PGBD1: variants seen among roughly 807,000 people sequenced by gnomAD.
PGBD1 encodes piggyBac transposable element derived 1.
PGBD1 carries 25 observed loss-of-function variants against 34.7 expected under a neutral mutation model. The observed-to-expected ratio is 0.72, with a 90% CI of 0.52 to 1.00. PGBD1 has a LOEUF of 1.00. Among genes scored for constraint, PGBD1 ranks in the 50% least tolerant of loss-of-function variants. The probability of loss-of-function intolerance (pLI) is 0.00; values close to 1 mark genes in which losing one functional copy is unlikely to be tolerated. For synonymous variants in PGBD1, 292 were observed against 335.7 expected, an observed-to-expected ratio of 0.87 and a Z score of 1.42; for missense variants, 830 against 959.4, an observed-to-expected ratio of 0.87 and a Z score of 1.78.
In PGBD1 at chr6:28,298,501, G is replaced by A. The variant is rs529882698; in HGVS notation, c.869+510G>A. On this transcript the variant is annotated intron_variant, in intron 6 of 6. Coordinates refer to ENST00000682144, the MANE Select transcript of PGBD1 (RefSeq NM_032507.4). ...GAGCATTTTGGATTTTGGATCTTTG[G>A]TTAGGGATGCCCAACTGGTATAATG... is the stretch of plus-strand genomic sequence containing the variant. Among the ~76,000 whole-genome samples the A allele has an allele frequency of 2.6e-5, 4 of 152,114 alleles. No individual in the cohort carries two copies. In the South Asian group the frequency reaches 8.3e-4, roughly 32 times the overall value.
At chr6:28,281,952 T>C (rs943736046) in intron 1 of PGBD1, 34 bp downstream of exon 1, 4 of 152,224 alleles carry the variant, frequency 2.6e-5, no homozygotes, top group African/African-American at 9.7e-5. Flanking sequence ...TATGCAGAGA[T>C]AAACTCCTGT....
chr6:28,285,693 C>G lies in PGBD1; in HGVS notation c.539C>G (p.Pro180Arg), dbSNP rs1353935130. 3 of 1,613,348 alleles carry G rather than the reference C, an allele frequency of 1.9e-6. No homozygotes were observed. Among genetic ancestry groups the G allele is most frequent in the Non-Finnish European group, 2.5e-6 (3 of 1,179,874 alleles). Reference sequence around the variant, plus strand: ...CCTCCACAGCGTCCTCAAGGGAACCCCCAAGAAGTGAGTGGTGAGTGCTCG... The same window carrying G: ...CCTCCACAGCGTCCTCAAGGGAACCGCCAAGAAGTGAGTGGTGAGTGCTCG... ...CEPPQRPQGN[P>R]QEVSGPVPHG... Residue 180 changes from proline (P) to arginine (R), a missense_variant, in exon 3 of 7, where the codon CCC (proline) becomes CGC (arginine). Around this residue, in one of 3 missense-constraint regions of PGBD1, gnomAD observed 457 missense variants for 515.4 expected, o/e 0.89. Coordinates refer to ENST00000682144, the MANE Select transcript of PGBD1 (RefSeq NM_032507.4).
intron 4 of PGBD1, among the ~76,000 whole-genome samples, chr6:28,291,123 C>CCAAAAAAAAAAAAAAAAAAAA (rs1762436521): frequency 1.0e-5 from 1 of 97,258 alleles, no homozygotes; most frequent in Non-Finnish European, 2.0e-5. Context: ...GAAATTGAGA[C>CCAAAAAAAAAAAAAAAAAAAA]CAAAAAAAAA....
rs1039472429 is a variant in PGBD1 at position 28,300,271 on chromosome 6, T to C, written c.870-453T>C. Among the ~76,000 whole-genome samples the C allele has an allele frequency of 6.6e-6, 1 of 152,142 alleles. No individual in the cohort carries two copies. Among genetic ancestry groups the C allele is most frequent in the African/African-American group, 2.4e-5 (1 of 41,444 alleles). On this transcript the variant is annotated intron_variant, in intron 6 of 6. Coordinates refer to ENST00000682144, the MANE Select transcript of PGBD1 (RefSeq NM_032507.4). The surrounding 1 kb of genome is among the most constrained non-coding windows in gnomAD (Gnocchi z 4.0). ...AATTGACAGGGATGCAGGAGTAAAA[T>C]AGATGGTTCTGGAAACCTCAGTTTC...
chr6:28,284,231 T>A, intron 2 of PGBD1, 22 bp downstream of exon 2: 3 of 1,476,294 alleles, frequency 2.0e-6, no homozygotes, highest in Non-Finnish European at 2.7e-6. Flanking sequence ...ATGTGTGTGG[T>A]GATGTGGGAG....
At position 28,283,989 on chromosome 6, in the gene PGBD1, A is replaced by G; in HGVS notation, c.176A>G (p.Gln59Arg). 2 of 1,614,182 alleles carry G rather than the reference A, an allele frequency of 1.2e-6. No homozygotes were observed. Among genetic ancestry groups the G allele is most frequent in the Non-Finnish European group, 1.7e-6 (2 of 1,180,010 alleles). The change falls in exon 2 of 7, where the codon CAG becomes CGG. Residue 59 changes from glutamine (Q) to arginine (R), a missense_variant. Coordinates refer to ENST00000682144, the MANE Select transcript of PGBD1 (RefSeq NM_032507.4). Reference protein sequence around the residue: ...HFCYQEAHGPQEALAQLRELC... With the variant: ...HFCYQEAHGPREALAQLRELC... ...TGCTACCAGGAGGCTCACGGACCCCAGGAAGCTCTGGCCCAACTCCGAGAA... is the reference window on the plus strand; with the variant it reads ...TGCTACCAGGAGGCTCACGGACCCCGGGAAGCTCTGGCCCAACTCCGAGAA...
chr6:28,282,827 G>A (rs1046231568), intron 1 of PGBD1, among the ~76,000 whole-genome samples: 2 of 152,164 alleles, frequency 1.3e-5, no homozygotes, highest in African/African-American at 4.8e-5. Context: ...AAAGATTTGA[G>A]TCTTCTTGGA....
Position 28,283,963 on chromosome 6 carries a change from C to CA in PGBD1, c.150_151insA (p.Cys51MetfsTer121). 1 of 1,614,224 alleles carries CA rather than the reference C, an allele frequency of 6.2e-7. No individual in the cohort carries two copies. Among genetic ancestry groups the CA allele is most frequent in the Non-Finnish European group, 8.5e-7 (1 of 1,180,026 alleles). ...TTTGCCGCCTGCGCTTTCGGCACTTCTGCTACCAGGAGGCTCACGGACCCC... is the reference window on the plus strand; with the variant it reads ...TTTGCCGCCTGCGCTTTCGGCACTTCATGCTACCAGGAGGCTCACGGACCCC... On this transcript the variant is annotated frameshift_variant, in exon 2 of 7. Coordinates refer to ENST00000682144, the MANE Select transcript of PGBD1 (RefSeq NM_032507.4). LOFTEE classifies it high-confidence loss of function.
rs372388049 is a variant in PGBD1 at position 28,296,900 on chromosome 6, T to C, written c.727T>C (p.Cys243Arg). 1.9e-5 allele frequency: 30 copies of C among 1,614,082 alleles called. No individual in the cohort carries two copies. In the East Asian group the frequency reaches 6.5e-4, roughly 35 times the overall value. The change falls in exon 5 of 7, where the codon TGT (cysteine) becomes CGT (arginine). Residue 243 changes from cysteine to arginine, a missense_variant. This residue lies in a region of PGBD1 where 457 missense variants were observed against 515.4 expected (regional missense o/e 0.89). Coordinates refer to ENST00000682144, the MANE Select transcript of PGBD1 (RefSeq NM_032507.4). ...TCTGAGTCTGACTCGGAGGAACCTC[T>C]GTGGGAACTCAGCTCAGGAGACAGT... ...SHLSLTRRNL[C>R]GNSAQETVMS...
Position 28,285,703 on chromosome 6 carries a change from G to T in PGBD1, c.549G>T (p.Val183=). ...GTCCTCAAGGGAACCCCCAAGAAGT[G>T]AGTGGTGAGTGCTCGAGTGAGTTTA... The part of the protein sequence containing the change: ...PQRPQGNPQE[V]SGPVPHGSAH... Residue 183 remains valine, a synonymous_variant, in exon 3 of 7, where the codon GTG becomes GTT. Transcript: ENST00000682144. 6.2e-7 allele frequency: 1 copy of T among 1,613,008 alleles called. No individual in the cohort carries two copies. Among genetic ancestry groups the T allele is most frequent in the South Asian group, 1.1e-5 (1 of 90,984 alleles).
intron 4 of PGBD1, among the ~76,000 whole-genome samples, chr6:28,291,302 G>C (rs1289255598): frequency 6.6e-6 from 1 of 151,784 alleles, no homozygotes; most frequent in Non-Finnish European, 1.5e-5. Context: ...GAAACCATTA[G>C]AGACTTATGA....
At chr6:28,289,686 G>C (rs1328153493) in intron 4 of PGBD1, among the ~76,000 whole-genome samples, 3 of 152,200 alleles carry the variant, frequency 2.0e-5, no homozygotes, top group African/African-American at 7.2e-5. Flanking sequence ...GATCACTTGA[G>C]ACAAGGAGTT....
In PGBD1 at chr6:28,283,792, A is replaced by G. The variant is rs1762197132; in HGVS notation, c.-22A>G. The G allele has an allele frequency of 6.5e-7, 1 of 1,538,870 alleles. No homozygotes were observed. The highest frequency in any genetic ancestry group is 1.3e-5 in the South Asian group (1 of 79,730). Reference sequence around the variant, plus strand: ...TGAATATAGACCCCAAGCTAAGTGAAGCTTTAGCCTCTAAGCTCAACATGT... The same window carrying G: ...TGAATATAGACCCCAAGCTAAGTGAGGCTTTAGCCTCTAAGCTCAACATGT... On this transcript the variant is annotated 5_prime_UTR_variant, in exon 2 of 7. Transcript: ENST00000682144.
At chr6:28,283,739 A>G in intron 1 of PGBD1, 37 bp from the exon 2 acceptor site, 1 of 1,484,616 alleles carries the variant, frequency 6.7e-7, no homozygotes, top group East Asian at 2.3e-5. Context: ...TGTTGCTGAT[A>G]AATTCTTATG....
chr6:28,296,960 C>T lies in PGBD1; in HGVS notation c.772+15C>T. The T allele has an allele frequency of 1.2e-6, 2 of 1,613,446 alleles. No homozygotes were observed. The highest frequency in any genetic ancestry group is 1.7e-6 in the Non-Finnish European group (2 of 1,179,752). ...CAGTCCGATGAGTAAGGCCAGGCCTCTGGCTGGACCCCTGTCTGGACTCTC... is the reference window on the plus strand; with the variant it reads ...CAGTCCGATGAGTAAGGCCAGGCCTTTGGCTGGACCCCTGTCTGGACTCTC... On this transcript the variant is annotated intron_variant, in intron 5 of 6. Transcript: ENST00000682144.
intron 4 of PGBD1, among the ~76,000 whole-genome samples, chr6:28,295,461 T>A (rs1762597397): frequency 6.6e-6 from 1 of 151,144 alleles, no homozygotes; most frequent in African/African-American, 2.4e-5. Flanking sequence ...AAAGGAAGAG[T>A]CAATCAAGGT....
At position 28,287,127 on chromosome 6, in the gene PGBD1, G is replaced by A; in HGVS notation, c.601G>A (p.Asp201Asn). 1 of 1,614,082 alleles carries A rather than the reference G, an allele frequency of 6.2e-7. No individual in the cohort carries two copies. The highest frequency in any genetic ancestry group is 8.5e-7 in the Non-Finnish European group (1 of 1,179,994). ...SAHLQEKNPRDKAVVPVFNPV... is the reference protein window; with the variant it reads ...SAHLQEKNPRNKAVVPVFNPV... The stretch of plus-strand genomic sequence containing the variant: ...TCATCTCCAGGAAAAAAACCCCAGA[G>A]ACAAGGCTGTAGTGCCTGTGTTTAA... The change falls in exon 4 of 7, where the codon GAC (aspartate) becomes AAC (asparagine). Residue 201 changes from aspartate to asparagine, a missense_variant. Asp to Asn is a conservative substitution (Grantham distance 23, BLOSUM62 1). Around this residue, in one of 3 missense-constraint regions of PGBD1, gnomAD observed 457 missense variants for 515.4 expected, o/e 0.89. Transcript: ENST00000682144.
chr6:28,285,543 G>C lies in PGBD1; in HGVS notation c.397-8G>C, dbSNP rs1448421220. 1 of 1,612,832 alleles carries C rather than the reference G, an allele frequency of 6.2e-7. No individual in the cohort carries two copies. Among genetic ancestry groups the C allele is most frequent in the East Asian group, 2.2e-5 (1 of 44,826 alleles). On this transcript the variant is annotated splice_region_variant and splice_polypyrimidine_tract_variant and intron_variant, in intron 2 of 6. Transcript: ENST00000682144. Reference sequence around the variant, plus strand: ...CATGCCCTTTCAAAATAAATCTTTTGTTTCCAGGCCTCTGTCTATATTCAG... The same window carrying C: ...CATGCCCTTTCAAAATAAATCTTTTCTTTCCAGGCCTCTGTCTATATTCAG...
At position 28,297,923 on chromosome 6, in the gene PGBD1, G is replaced by A; in HGVS notation, c.801G>A (p.Leu267=). The change falls in exon 6 of 7, where the codon TTG becomes TTA. Residue 267 remains leucine, a synonymous_variant. Coordinates refer to ENST00000682144, the MANE Select transcript of PGBD1 (RefSeq NM_032507.4). ...AAGAAATTGTAACTAAAGATAGATTGTTTAAAGCAAAGCAAGAAACTTCTG... is the reference window on the plus strand; with the variant it reads ...AAGAAATTGTAACTAAAGATAGATTATTTAAAGCAAAGCAAGAAACTTCTG... ...MTEEIVTKDR[L]FKAKQETSEE... 7.1e-7 allele frequency: 1 copy of A among 1,415,876 alleles called. No homozygotes were observed. The highest frequency in any genetic ancestry group is 9.4e-7 in the Non-Finnish European group (1 of 1,061,172). The allele number at this position is 1,415,876 out of a possible 1,614,324, so 87.7% of individuals were successfully genotyped here. A position where few individuals can be genotyped will look rare whatever the true frequency, so the allele number is the denominator to read the frequency against.
Sources: gnomAD v4.1 joint callset for allele counts (sites outside exome capture counted in the v4.1 genomes callset) on GRCh38, gnomAD v4.1.1 for gene constraint, gnomAD v4.1.1 regional missense constraint, Gnocchi (gnomAD v3.1) non-coding constraint, MANE v1.5 for transcripts, NCBI Gene and HGNC (gene_info 2026-07-23, HGNC 2026-07-21) for gene names.